Variants in PPARG observed in about 807,000 individuals in gnomAD.
The protein encoded by PPARG is peroxisome proliferator-activated receptor gamma.
PPARG carries 17 observed loss-of-function variants against 39.2 expected under a neutral mutation model. The ratio of observed to expected loss-of-function variants is 0.43; its 90% CI spans 0.30 to 0.65. The LOEUF is 0.65. Among genes scored for constraint, PPARG ranks in the 30% least tolerant of loss-of-function variants. PPARG has a pLI of 0.13. For missense variants in PPARG, 406 were observed against 585.9 expected, an observed-to-expected ratio of 0.69 and a Z score of 3.17; for synonymous variants, 223 against 215.7, an observed-to-expected ratio of 1.03 and a Z score of -0.30.
intron 4 of PPARG, among the ~76,000 whole-genome samples, chr3:12,388,774 A>G (rs2049968903): frequency 6.6e-6 from 1 of 152,230 alleles, no homozygotes; most frequent in Non-Finnish European, 1.5e-5. Context: ...TGAATTATTT[A>G]AAGGAAGAGG....
At chr3:12,326,854 G>A (rs892838315) in intron 2 of PPARG, among the ~76,000 whole-genome samples, 9 of 152,124 alleles carry the variant, frequency 5.9e-5, no homozygotes, top group Admixed American at 3.3e-4. Flanking sequence ...GGCCATAGAC[G>A]ACAACCAAGT....
At chr3:12,365,309 A>T (rs1389884503) in intron 2 of PPARG, among the ~76,000 whole-genome samples, 2 of 152,220 alleles carry the variant, frequency 1.3e-5, no homozygotes, top group Non-Finnish European at 2.9e-5. Context: ...TTGTACAGAT[A>T]CATTCTCCCC....
In PPARG at chr3:12,374,096, C is replaced by T. The variant is rs949655158; in HGVS notation, c.-8-5608C>T. Among the ~76,000 whole-genome samples the T allele has an allele frequency of 6.6e-5, 10 of 152,168 alleles. 2 individuals are homozygous for T. The South Asian group carries it at 2.1e-3, about 32-fold the overall frequency. The stretch of plus-strand genomic sequence containing the variant: ...CTGAAAAAGTAAGTTAGGGCTGAGA[C>T]ATAGAGGGCCTTGAATGCCAAGCTA... On this transcript the variant is annotated intron_variant, in intron 2 of 7. Coordinates refer to ENST00000651735, the MANE Select transcript of PPARG (RefSeq NM_138711.6).
intron 1 of PPARG, among the ~76,000 whole-genome samples, chr3:12,299,457 A>G (rs1331919513): frequency 6.6e-6 from 1 of 152,090 alleles, no homozygotes; most frequent in Admixed American, 6.6e-5. Context: ...CTCTCTTACT[A>G]TCCTATTATC....
intron 4 of PPARG, among the ~76,000 whole-genome samples, chr3:12,389,447 C>G (rs961634214): frequency 2.6e-5 from 4 of 152,034 alleles, no homozygotes; most frequent in Admixed American, 6.6e-5. Context: ...ATACTAAAGA[C>G]AAATAGAGAG....
chr3:12,418,693 T>A (rs1383108670), intron 7 of PPARG, among the ~76,000 whole-genome samples: 1 of 151,864 alleles, frequency 6.6e-6, no homozygotes, highest in Non-Finnish European at 1.5e-5. Context: ...CACTGAGAGG[T>A]TTTCTCATTT....
intron 2 of PPARG, among the ~76,000 whole-genome samples, chr3:12,362,308 A>T (rs2048871586): frequency 6.6e-6 from 1 of 152,068 alleles, no homozygotes; most frequent in Non-Finnish European, 1.5e-5. Flanking sequence ...CTTTGAGCTC[A>T]GGAGTTCGAG....
At chr3:12,409,455 A>G (rs1308684772) in intron 6 of PPARG, among the ~76,000 whole-genome samples, 1 of 152,042 alleles carries the variant, frequency 6.6e-6, no homozygotes, top group Non-Finnish European at 1.5e-5. Context: ...CAACGAGACT[A>G]GAGATTTGTT....
intron 2 of PPARG, 27 bp downstream of exon 2, chr3:12,312,480 A>G (rs2124996731): frequency 6.6e-6 from 1 of 152,350 alleles, no homozygotes; most frequent in South Asian, 2.1e-4. Context: ...TTTATACTGC[A>G]TTTGTATTGA....
At chr3:12,288,295 G>A (rs1433376023), upstream of PPARG, among the ~76,000 whole-genome samples, 1 of 151,920 alleles carries the variant, frequency 6.6e-6, no homozygotes, top group Non-Finnish European at 1.5e-5. Flanking sequence ...TTGGGCTGAG[G>A]GCACCCGGGC....
intron 2 of PPARG, among the ~76,000 whole-genome samples, chr3:12,338,944 T>A (rs1301803214): frequency 6.6e-6 from 1 of 152,240 alleles, no homozygotes; most frequent in Non-Finnish European, 1.5e-5. Context: ...ATCTAAAATA[T>A]GAATTCTTAT....
At chr3:12,347,367 G>A (rs2125084396) in intron 2 of PPARG, among the ~76,000 whole-genome samples, 1 of 152,220 alleles carries the variant, frequency 6.6e-6, no homozygotes, top group South Asian at 2.1e-4. Flanking sequence ...CAGATACATT[G>A]AACATTGACC....
chr3:12,336,937 G>T (rs2125060598), intron 2 of PPARG, among the ~76,000 whole-genome samples: 1 of 152,316 alleles, frequency 6.6e-6, no homozygotes, highest in African/African-American at 2.4e-5. Flanking sequence ...ACAGTAGCTT[G>T]TCTGTTTGGA....
At chr3:12,318,178 T>G (rs74606554) in intron 2 of PPARG, among the ~76,000 whole-genome samples, 2,540 of 152,318 alleles carry the variant, frequency 0.017, 23 homozygotes, top group Middle Eastern at 0.031. Context: ...CTTGCTATGT[T>G]GCTCAGACTG....
intron 2 of PPARG, among the ~76,000 whole-genome samples, chr3:12,363,278 G>C (rs551270758): frequency 4.2e-4 from 64 of 152,180 alleles, no homozygotes; most frequent in African/African-American, 1.4e-3. Flanking sequence ...TGTCTACTAT[G>C]TATACTTTAA....
rs751292113 is a variant in PPARG at position 12,379,769 on chromosome 3, C to G, written c.58C>G (p.Leu20Val). 1.2e-6 allele frequency: 2 copies of G among 1,613,936 alleles called. No homozygotes were observed. The highest frequency in any genetic ancestry group is 1.7e-6 in the Non-Finnish European group (2 of 1,179,964). ...CAACTTTGGGATCAGCTCCGTGGAT[C>G]TCTCCGTAATGGAAGACCACTCCCA... Reference protein sequence around the residue: ...PTNFGISSVDLSVMEDHSHSF... With the variant: ...PTNFGISSVDVSVMEDHSHSF... The change falls in exon 3 of 8, where the codon CTC (leucine) becomes GTC (valine). Residue 20 changes from leucine (L) to valine (V), a missense_variant. Physicochemically the swap from Leu to Val is conservative, Grantham distance 32 (BLOSUM62 1). Transcript: ENST00000651735.
intron 1 of PPARG, among the ~76,000 whole-genome samples, chr3:12,303,381 A>G (rs2046978705): frequency 6.6e-6 from 1 of 152,118 alleles, no homozygotes; most frequent in Non-Finnish European, 1.5e-5. Flanking sequence ...AAGTATTTTT[A>G]GTAGAGATGG....
chr3:12,425,413 C>T (rs953263444), intron 7 of PPARG, among the ~76,000 whole-genome samples: 10 of 152,158 alleles, frequency 6.6e-5, no homozygotes, highest in Non-Finnish European at 1.5e-4. Context: ...ACTTCACTTA[C>T]TGCCCTTCAT....
chr3:12,386,212 G>A (rs891719567), intron 4 of PPARG, among the ~76,000 whole-genome samples: 3 of 152,034 alleles, frequency 2.0e-5, no homozygotes, highest in African/African-American at 4.8e-5. Context: ...TCTGTAAATC[G>A]ATAAATAATT....
Sources: gnomAD v4.1 joint callset for allele counts (sites outside exome capture counted in the v4.1 genomes callset) on GRCh38, gnomAD v4.1.1 for gene constraint, MANE v1.5 for transcripts, NCBI Gene and HGNC (gene_info 2026-07-23, HGNC 2026-07-21) for gene names.